The following TANC1 variants were observed in gnomAD, a reference collection of about 807,000 sequenced individuals.
TANC1 encodes the protein protein TANC1.
In TANC1, 77 loss-of-function variants were observed where a neutral mutation model predicts 149.7. That is an observed-to-expected ratio of 0.51 (90% confidence interval 0.43 to 0.62). TANC1 has a LOEUF of 0.62. Among genes scored for constraint, TANC1 ranks in the 20% least tolerant of loss-of-function variants. TANC1 has a pLI of 0.00. For missense variants in TANC1, 1,985 were observed against 2,321.8 expected (o/e 0.85, Z 2.98); for synonymous variants, 854 against 925.0 (o/e 0.92, Z 1.39).
chr2:159,009,508 C>A (rs752684213), intron 2 of TANC1, among the ~76,000 whole-genome samples: 5 of 152,118 alleles, frequency 3.3e-5, no homozygotes, highest in Non-Finnish European at 7.3e-5. Context: ...AAGATAAATA[C>A]CGCATGGTCT....
At chr2:159,172,065 A>G in intron 10 of TANC1, 56 bp from the exon 11 acceptor site, 18 of 1,544,384 alleles carry the variant, frequency 1.2e-5, no homozygotes, top group South Asian at 2.3e-5. Context: ...AATATATTCA[A>G]TACCACACCC....
At chr2:159,180,909 A>G (rs1005194886) in intron 14 of TANC1, among the ~76,000 whole-genome samples, 3 of 152,192 alleles carry the variant, frequency 2.0e-5, no homozygotes, top group Non-Finnish European at 4.4e-5. Flanking sequence ...TGTGGACCTC[A>G]CAAGAGGGAG....
intron 4 of TANC1, among the ~76,000 whole-genome samples, chr2:159,132,500 G>C (rs944929952): frequency 4.0e-5 from 6 of 151,656 alleles, no homozygotes; most frequent in African/African-American, 1.5e-4. Context: ...TTTTTCTTTT[G>C]TTTTGTTTGA....
At chr2:159,217,395 T>C (rs2059415791) in intron 19 of TANC1, 102 bp from the exon 20 acceptor site, 1 of 1,485,944 alleles carries the variant, frequency 6.7e-7, no homozygotes, top group Non-Finnish European at 9.2e-7. Context: ...GGAGGACATA[T>C]AGACCCCATC....
At chr2:159,152,594 A>G (rs1045398761) in intron 7 of TANC1, among the ~76,000 whole-genome samples, 7 of 151,472 alleles carry the variant, frequency 4.6e-5, no homozygotes, top group Non-Finnish European at 1.0e-4. Context: ...GGCTAATGCA[A>G]TCCTCCCACC....
chr2:159,092,585 A>T (rs1230476131), intron 3 of TANC1, among the ~76,000 whole-genome samples: 1 of 152,234 alleles, frequency 6.6e-6, no homozygotes, highest in Non-Finnish European at 1.5e-5. Context: ...TTTGCAAACT[A>T]TGACTTTGAC....
intron 4 of TANC1, among the ~76,000 whole-genome samples, chr2:159,115,168 A>G (rs1436824015): frequency 1.6e-5 from 2 of 126,646 alleles, no homozygotes; most frequent in Non-Finnish European, 3.2e-5. Flanking sequence ...GGAAGCTGGT[A>G]AGGGTGTGTG....
intron 22 of TANC1, among the ~76,000 whole-genome samples, chr2:159,223,366 G>A (rs569652702): frequency 6.6e-6 from 1 of 152,026 alleles, no homozygotes; most frequent in Admixed American, 6.5e-5. Context: ...TATGCTTGTT[G>A]AGCACTTGTT....
intron 2 of TANC1, among the ~76,000 whole-genome samples, chr2:159,019,788 G>A (rs141716195): frequency 2.8e-3 from 411 of 145,804 alleles, no homozygotes; most frequent in African/African-American, 1.0e-2. Context: ...GTCTGGCTGA[G>A]TTTTGTATTT....
intron 7 of TANC1, among the ~76,000 whole-genome samples, chr2:159,159,707 TGTGTGTGTGTGAGAGAGAGAGAGA>T (rs1325112288): frequency 3.1e-5 from 2 of 63,688 alleles, no homozygotes. Context: ...TGTGTGTGTG[TGTGTGTGTGTGAGAGAGAGAGAGA>T]GAGAGAGAGA....
intron 2 of TANC1, among the ~76,000 whole-genome samples, chr2:159,042,372 C>T (rs1026537361): frequency 2.6e-5 from 4 of 152,164 alleles, no homozygotes; most frequent in Admixed American, 2.0e-4. Flanking sequence ...GGAGAGCACC[C>T]TTGAAAACGA....
chr2:159,062,973 C>CCAAAAAAAAAAAAAAAAAAAA (rs770866772), intron 2 of TANC1, among the ~76,000 whole-genome samples: 4 of 41,216 alleles, frequency 9.7e-5, no homozygotes, highest in Non-Finnish European at 1.6e-4. Context: ...GACTCCGTCT[C>CCAAAAAAAAAAAAAAAAAAAA]AAAAAAAAAA....
chr2:159,178,995 A>C lies in TANC1; in HGVS notation c.2342A>C (p.His781Pro). Reference sequence around the variant, plus strand: ...ATCTTTCAGGCTATTAATGCTGGCCACATCCAGGGGGAGCAGGGATGGGAA... The same window carrying C: ...ATCTTTCAGGCTATTAATGCTGGCCCCATCCAGGGGGAGCAGGGATGGGAA... ...EQIFQAINAG[H>P]IQGEQGWEDF... is the part of the protein sequence containing the mutation. The change falls in exon 14 of 27, where the codon CAC (histidine) becomes CCC (proline). Residue 781 changes from histidine to proline, a missense_variant. Physicochemically the swap from His to Pro is moderately conservative, Grantham distance 77. This residue lies in a region of TANC1 where 508 missense variants were observed against 714.2 expected (regional missense o/e 0.71). Transcript: ENST00000263635. The C allele has an allele frequency of 6.2e-7, 1 of 1,614,106 alleles. No homozygotes were observed. Among genetic ancestry groups the C allele is most frequent in the East Asian group, 2.2e-5 (1 of 44,880 alleles).
rs774460421 is a variant in TANC1, at chr2:159,198,988, T to C, written c.3179T>C (p.Leu1060Ser). Residue 1060 changes from leucine (L) to serine (S), a missense_variant, in exon 19 of 27, where the codon TTG becomes TCG. This residue lies in a region of TANC1 where 508 missense variants were observed against 714.2 expected (regional missense o/e 0.71). Transcript: ENST00000263635. ...CACTTCTGACAGGTGGTCCAGTGCTTGCTGGGGATGGAGAAGGAACATGAA... is the reference window on the plus strand; with the variant it reads ...CACTTCTGACAGGTGGTCCAGTGCTCGCTGGGGATGGAGAAGGAACATGAA... ...SMGHSSVVQCLLGMEKEHEVE... is the reference protein window; with the variant it reads ...SMGHSSVVQCSLGMEKEHEVE... 30 of 1,613,962 alleles carry C rather than the reference T, an allele frequency of 1.9e-5. No individual in the cohort carries two copies. In the South Asian group the frequency reaches 3.3e-4, roughly 18 times the overall value.
At chr2:159,148,679 C>T (rs2052427844) in intron 5 of TANC1, 1 of 152,480 alleles carries the variant, frequency 6.6e-6, no homozygotes, top group African/African-American at 2.4e-5. Context: ...GTTCCCCTGG[C>T]TTGTTTAATG....
intron 16 of TANC1, among the ~76,000 whole-genome samples, chr2:159,191,646 A>G (rs2057451039): frequency 6.6e-6 from 1 of 152,072 alleles, no homozygotes; most frequent in Non-Finnish European, 1.5e-5. Context: ...CAAATTTGAC[A>G]CCTGGGGTTC....
intron 1 of TANC1, among the ~76,000 whole-genome samples, chr2:158,987,854 C>T (rs545213249): frequency 3.3e-5 from 5 of 152,260 alleles, no homozygotes; most frequent in South Asian, 2.1e-4. Context: ...GAATCTTGGG[C>T]GGGAAGGTGA....
intron 2 of TANC1, among the ~76,000 whole-genome samples, chr2:159,017,041 A>G (rs1054666900): frequency 2.1e-5 from 3 of 143,442 alleles, no homozygotes; most frequent in African/African-American, 7.5e-5. Context: ...TGATCCTAGG[A>G]GTATAAAAGT....
At position 159,175,330 on chromosome 2, in the gene TANC1, C is replaced by A; in HGVS notation, c.1735+146C>A. The A allele has an allele frequency of 4.6e-6, 3 of 653,458 alleles. No individual in the cohort carries two copies. In the South Asian group the frequency reaches 5.6e-5, roughly 12 times the overall value. The allele number at this position is 653,458 out of a possible 1,614,324, so 40.5% of individuals were successfully genotyped here. On this transcript the variant is annotated intron_variant, in intron 12 of 26. Coordinates refer to ENST00000263635, the MANE Select transcript of TANC1 (RefSeq NM_033394.3). The stretch of plus-strand genomic sequence containing the variant: ...GTCGAAGCCTCCGTGCCCATCCACT[C>A]CTCTTTCTCAGAACCAGCCCCATGA...
Sources: allele counts gnomAD v4.1 joint callset (sites outside exome capture counted in the v4.1 genomes callset), GRCh38; gene constraint gnomAD v4.1.1; regional missense constraint gnomAD v4.1.1; transcripts MANE v1.5; gene names NCBI Gene and HGNC (gene_info 2026-07-23, HGNC 2026-07-21).